KDM4C: variants seen among roughly 807,000 people sequenced by gnomAD.
KDM4C encodes the protein lysine-specific demethylase 4C.
Under a neutral mutation model 129.3 loss-of-function variants are expected in KDM4C, and 81 were observed. The ratio of observed to expected loss-of-function variants is 0.63; its 90% confidence interval spans 0.52 to 0.75. The LOEUF (loss-of-function observed/expected upper bound fraction) is 0.75, where lower values mean the gene tolerates loss of function less well. Ranked by LOEUF, KDM4C falls within the 30% of genes least tolerant of loss-of-function variation. The pLI is 0.00. For synonymous variants in KDM4C, 573 were observed against 456.1 expected (o/e 1.26, Z -3.26); for missense variants, 1,457 against 1,304.0 (o/e 1.12, Z -1.81).
At chr9:6,787,226 G>A (rs966887219) in intron 1 of KDM4C, among the ~76,000 whole-genome samples, 6 of 152,122 alleles carry the variant, frequency 3.9e-5, no homozygotes, top group African/African-American at 1.4e-4. Flanking sequence ...TCTTGTCAGA[G>A]CCATTTTTCA....
intron 4 of KDM4C, among the ~76,000 whole-genome samples, chr9:6,818,551 TTGATGGTGAGGGATG>T (rs1481589245): frequency 1.3e-5 from 2 of 152,124 alleles, no homozygotes; most frequent in East Asian, 3.9e-4. Context: ...ATGTAGGAAA[TTGATGGTGAGGGATG>T]TGGGCAGATG....
chr9:7,117,885 A>G (rs1369612296), intron 18 of KDM4C, among the ~76,000 whole-genome samples: 3 of 152,214 alleles, frequency 2.0e-5, no homozygotes, highest in Non-Finnish European at 2.9e-5. Context: ...GTGGCCCACT[A>G]CCAGCTCCAC....
chr9:6,983,770 A>G (rs818908), intron 9 of KDM4C, among the ~76,000 whole-genome samples: 63,047 of 139,098 alleles, frequency 0.45, 13,410 homozygotes, highest in African/African-American at 0.51. Flanking sequence ...GCACTAGCCT[A>G]ACAGGATATT....
chr9:7,110,387 A>G (rs1323161159), intron 18 of KDM4C, among the ~76,000 whole-genome samples: 1 of 152,184 alleles, frequency 6.6e-6, no homozygotes, highest in Non-Finnish European at 1.5e-5. Context: ...GTTCATGTTG[A>G]TATATCCAAT....
chr9:6,859,440 A>G lies in KDM4C; in HGVS notation c.629+9740A>G, dbSNP rs531714694. On this transcript the variant is annotated intron_variant, in intron 5 of 21. Coordinates refer to ENST00000381309, the MANE Select transcript of KDM4C (RefSeq NM_015061.6). ...CAGTGAGCTGATATCACGCCACTGC[A>G]CTCCAGCCTGGCGACAGAGCGGGAC... Among the ~76,000 whole-genome samples, 264 of 132,562 alleles carry G rather than the reference A, an allele frequency of 2.0e-3. 1 individual carries two copies. The highest frequency in any genetic ancestry group is 7.6e-3 in the African/African-American group (258 of 34,056). The allele number at this position is 132,562 out of a possible 152,430, so 87.0% of individuals were successfully genotyped here.
chr9:6,900,074 A>G (rs1817128375), intron 8 of KDM4C, among the ~76,000 whole-genome samples: 1 of 152,240 alleles, frequency 6.6e-6, no homozygotes, highest in Admixed American at 6.5e-5. Context: ...AATATGTCAG[A>G]TCGAGCTCTG....
intron 19 of KDM4C, among the ~76,000 whole-genome samples, chr9:7,128,706 AAGT>A (rs1408259892): frequency 6.6e-6 from 1 of 152,210 alleles, no homozygotes; most frequent in Non-Finnish European, 1.5e-5. Context: ...GGAGTAACAA[AAGT>A]CACACAGAAG....
chr9:7,160,339 G>A (rs996854688), intron 19 of KDM4C, among the ~76,000 whole-genome samples: 2 of 152,138 alleles, frequency 1.3e-5, no homozygotes, highest in Non-Finnish European at 2.9e-5. Flanking sequence ...CTGTCAACTC[G>A]TCAAAGTCAT....
At chr9:7,163,687 C>T (rs1320002957) in intron 19 of KDM4C, among the ~76,000 whole-genome samples, 1 of 152,110 alleles carries the variant, frequency 6.6e-6, no homozygotes, top group African/African-American at 2.4e-5. Flanking sequence ...CTCGGTACCG[C>T]ATAAATCTTG....
chr9:6,731,799 TACC>T (rs1203281963), intron 1 of KDM4C, among the ~76,000 whole-genome samples: 1 of 152,184 alleles, frequency 6.6e-6, no homozygotes, highest in Non-Finnish European at 1.5e-5. Context: ...CATTTTCCGT[TACC>T]ACCATTTTGG....
At chr9:6,775,317 A>T (rs147959800) in intron 1 of KDM4C, among the ~76,000 whole-genome samples, 44 of 151,580 alleles carry the variant, frequency 2.9e-4, no homozygotes, top group African/African-American at 9.9e-4. Context: ...CTGCTTGGTG[A>T]TTCATCCATA....
chr9:6,925,356 G>C, intron 8 of KDM4C: 1 of 985,334 alleles, frequency 1.0e-6, no homozygotes, highest in Non-Finnish European at 1.2e-6. Context: ...TTCTTTTGGC[G>C]AAGAGAAGCT....
At chr9:6,908,633 T>C (rs1181550680) in intron 8 of KDM4C, among the ~76,000 whole-genome samples, 1 of 151,414 alleles carries the variant, frequency 6.6e-6, no homozygotes, top group African/African-American at 2.4e-5. Flanking sequence ...GTAGTCTTTG[T>C]AGCACTGACT....
intron 2 of KDM4C, among the ~76,000 whole-genome samples, chr9:6,794,102 A>G (rs1034844637): frequency 6.6e-6 from 1 of 152,162 alleles, no homozygotes; most frequent in African/African-American, 2.4e-5. Context: ...ACATTTGCCT[A>G]TTCTCTTTTC....
At chr9:6,893,873 T>C (rs1169888149) in intron 8 of KDM4C, among the ~76,000 whole-genome samples, 1 of 152,190 alleles carries the variant, frequency 6.6e-6, no homozygotes, top group Non-Finnish European at 1.5e-5. Flanking sequence ...TTTCCCCCTG[T>C]GGTGTTAAAT....
At chr9:7,157,815 C>CT (rs1012189152) in intron 19 of KDM4C, among the ~76,000 whole-genome samples, 10 of 152,000 alleles carry the variant, frequency 6.6e-5, no homozygotes, top group East Asian at 3.9e-4. Flanking sequence ...CAAAAATTCT[C>CT]TTTTTTTTGT....
chr9:6,797,648 A>G (rs1828006387), intron 2 of KDM4C, among the ~76,000 whole-genome samples: 1 of 152,246 alleles, frequency 6.6e-6, no homozygotes, highest in African/African-American at 2.4e-5. Flanking sequence ...CCTGGACTGT[A>G]GCTTATGCAC....
At chr9:6,761,073 G>A (rs1025904207) in intron 1 of KDM4C, among the ~76,000 whole-genome samples, 1 of 147,560 alleles carries the variant, frequency 6.8e-6, no homozygotes, top group African/African-American at 2.5e-5. Flanking sequence ...CCAATGGCGC[G>A]ATCTCGGCTC....
At chr9:6,869,248 G>C (rs896079683) in intron 5 of KDM4C, among the ~76,000 whole-genome samples, 1 of 152,152 alleles carries the variant, frequency 6.6e-6, no homozygotes, top group East Asian at 1.9e-4. Flanking sequence ...GTTATGTCAG[G>C]AAATGGGCCA....
Sources: gnomAD v4.1 joint callset for allele counts (sites outside exome capture counted in the v4.1 genomes callset) on GRCh38, gnomAD v4.1.1 for gene constraint, MANE v1.5 for transcripts, NCBI Gene and HGNC (gene_info 2026-07-23, HGNC 2026-07-21) for gene names.